EML1: variants seen among roughly 807,000 people sequenced by gnomAD.
EML1 encodes the protein EMAP like 1, also known as echinoderm microtubule-associated protein-like 1.
A neutral mutation model predicts 110.4 loss-of-function variants in EML1; 27 were observed. The observed-to-expected ratio is 0.24, with a 90% CI of 0.18 to 0.34. EML1 has a LOEUF of 0.34. Ranked by LOEUF, EML1 falls within the 10% of genes least tolerant of loss-of-function variation. EML1 has a pLI of 1.00. For missense variants in EML1, 741 were observed against 1,030.9 expected (o/e 0.72, Z 3.85); for synonymous variants, 344 against 385.8 (o/e 0.89, Z 1.27).
chr14:99,887,031 G>A (rs970438404), intron 4 of EML1, among the ~76,000 whole-genome samples: 7 of 152,230 alleles, frequency 4.6e-5, no homozygotes, highest in African/African-American at 1.7e-4. Flanking sequence ...GTCTGTTGGT[G>A]TGAGCCTCCC....
chr14:99,852,530 G>A (rs1043266151), intron 2 of EML1, among the ~76,000 whole-genome samples: 9 of 152,188 alleles, frequency 5.9e-5, no homozygotes, highest in African/African-American at 2.2e-4. Context: ...TAGGAGGATT[G>A]CTTGAGCCTA....
chr14:99,916,073 G>A (rs1251979126), intron 15 of EML1, among the ~76,000 whole-genome samples: 1 of 152,232 alleles, frequency 6.6e-6, no homozygotes, highest in Non-Finnish European at 1.5e-5. Flanking sequence ...CTATGCCCTG[G>A]TGGTCCAGGA....
At chr14:99,776,944 AATTGAG>A (rs1566859857) in intron 1 of EML1, among the ~76,000 whole-genome samples, 3 of 152,332 alleles carry the variant, frequency 2.0e-5, no homozygotes, top group African/African-American at 7.2e-5. Flanking sequence ...TCAAATGTAG[AATTGAG>A]AGTTCTTCAG....
intron 20 of EML1, 94 bp downstream of exon 20, chr14:99,938,006 T>TGACAAGACTGG: frequency 1.5e-6 from 2 of 1,317,740 alleles, no homozygotes; most frequent in Non-Finnish European, 2.2e-6. Flanking sequence ...GTCACCAGTC[T>TGACAAGACTGG]TGTCAGATTG....
chr14:99,870,541 T>C (rs1346850188), intron 3 of EML1, among the ~76,000 whole-genome samples: 1 of 152,242 alleles, frequency 6.6e-6, no homozygotes, highest in Non-Finnish European at 1.5e-5. Flanking sequence ...AGGGCTTTTA[T>C]ATGAGAAGTC....
chr14:99,922,074 G>T (rs1456249779), intron 17 of EML1, among the ~76,000 whole-genome samples: 1 of 152,296 alleles, frequency 6.6e-6, no homozygotes, highest in Non-Finnish European at 1.5e-5. Context: ...TGTGCACAGA[G>T]CAGTACTATA....
At chr14:99,825,451 G>A (rs1420194752) in intron 1 of EML1, among the ~76,000 whole-genome samples, 4 of 152,122 alleles carry the variant, frequency 2.6e-5, no homozygotes, top group Non-Finnish European at 4.4e-5. Context: ...TGGGTGGAAC[G>A]TACCTCAGAG....
chr14:99,940,302 T>C lies in EML1; in HGVS notation c.*190T>C. The C allele has an allele frequency of 1.5e-6, 1 of 684,538 alleles. No individual in the cohort carries two copies. The highest frequency in any genetic ancestry group is 2.2e-6 in the Non-Finnish European group (1 of 460,242). 42.4% of individuals were successfully genotyped at this position (684,538 alleles called of 1,614,324 possible). A position where few individuals can be genotyped will look rare whatever the true frequency, so the allele number is the denominator to read the frequency against. ...GGATCAGCGGTTCCGTGTTCACTTTTGTTGTACAATATATGACACAGTGCA... is the reference window on the plus strand; with the variant it reads ...GGATCAGCGGTTCCGTGTTCACTTTCGTTGTACAATATATGACACAGTGCA... On this transcript the variant is annotated 3_prime_UTR_variant, in exon 22 of 22. Coordinates refer to ENST00000262233, the MANE Select transcript of EML1 (RefSeq NM_004434.3).
At chr14:99,879,678 A>G (rs1009690457) in intron 4 of EML1, among the ~76,000 whole-genome samples, 2 of 152,226 alleles carry the variant, frequency 1.3e-5, no homozygotes, top group Admixed American at 6.5e-5. Context: ...AACCATTAAC[A>G]TGGGTTCTGT....
chr14:99,844,081 C>T (rs930645100), intron 1 of EML1, among the ~76,000 whole-genome samples: 25 of 152,194 alleles, frequency 1.6e-4, no homozygotes, highest in African/African-American at 6.0e-4. Context: ...TAAGGACAGT[C>T]TCTTTCCCTT....
rs577466900 is a variant in EML1 at position 99,780,040 on chromosome 14, G to A, written c.-27+6027G>A. On this transcript the variant is annotated intron_variant, in intron 1 of 22. Coordinates refer to the EML1 transcript ENST00000327921. ...GCCAGCATGGTTGGTTCCTGGTGAG[G>A]GCTCTCTTCCTGGCTTGCAGACTGC... Among the ~76,000 whole-genome samples, 13 of 152,150 alleles carry A rather than the reference G, an allele frequency of 8.5e-5. No homozygotes were observed. In the South Asian group the frequency reaches 2.7e-3, roughly 32 times the overall value.
Position 99,936,293 on chromosome 14 carries a change from A to G in EML1, c.2054A>G (p.Gln685Arg), listed in dbSNP as rs775260577. ...ITHLDWSVNSQFLVSNSGDYE... is the reference protein window; with the variant it reads ...ITHLDWSVNSRFLVSNSGDYE... ...CACCTGGACTGGTCTGTAAACTCAC[A>G]GTTCCTCGTGTCAAATTCCGGAGAC... Residue 685 changes from glutamine (Q) to arginine (R), a missense_variant, in exon 19 of 22, where the codon CAG (glutamine) becomes CGG (arginine). This residue lies in a region of EML1 where 388 missense variants were observed against 605.6 expected (regional missense o/e 0.64). Coordinates refer to ENST00000262233, the MANE Select transcript of EML1 (RefSeq NM_004434.3). The surrounding 1 kb of genome is among the most constrained non-coding windows in gnomAD (Gnocchi z 5.5). 1.2e-6 allele frequency: 2 copies of G among 1,614,036 alleles called. No homozygotes were observed. Among genetic ancestry groups the G allele is most frequent in the Non-Finnish European group, 1.7e-6 (2 of 1,180,040 alleles).
Position 99,777,247 on chromosome 14 carries a change from TA to T in EML1, c.-27+3245del, listed in dbSNP as rs113028244. On this transcript the variant is annotated intron_variant, in intron 1 of 22. Transcript: ENST00000327921. Reference sequence around the variant, plus strand: ...TTATCAGTTACAGACTGCACGTACTTAAAAAAAAAAATCAAGCAGTTCTACA... The same window carrying T: ...TTATCAGTTACAGACTGCACGTACTTAAAAAAAAAATCAAGCAGTTCTACA... 8.9e-3 allele frequency among the ~76,000 whole-genome samples: 1,316 copies of T among 148,610 alleles called. 12 individuals are homozygous for T. Among genetic ancestry groups the T allele is most frequent in the African/African-American group, 0.027 (1,122 of 40,878 alleles).
At chr14:99,862,885 G>T (rs1178782436) in intron 2 of EML1, among the ~76,000 whole-genome samples, 4 of 152,084 alleles carry the variant, frequency 2.6e-5, no homozygotes, top group Admixed American at 2.6e-4. Flanking sequence ...ATTGCTTTAG[G>T]CCCTGTCAGC....
intron 3 of EML1, among the ~76,000 whole-genome samples, chr14:99,876,815 T>G (rs7143718): frequency 0.084 from 12,771 of 152,232 alleles, 1,800 homozygotes; most frequent in African/African-American, 0.29. Flanking sequence ...TAAAGCAGTT[T>G]GTGTCTCTTC....
At chr14:99,888,859 G>A (rs1191103) in intron 4 of EML1, among the ~76,000 whole-genome samples, 2 of 151,846 alleles carry the variant, frequency 1.3e-5, no homozygotes, top group African/African-American at 4.8e-5. Context: ...TCACCTGGAG[G>A]TGTAGAATTG....
chr14:99,755,200 C>T (rs1436833989), intron 1 of EML1, among the ~76,000 whole-genome samples: 1 of 152,238 alleles, frequency 6.6e-6, no homozygotes, highest in African/African-American at 2.4e-5. Context: ...GGCTGGCATG[C>T]AGCTTCCAGG....
intron 2 of EML1, among the ~76,000 whole-genome samples, chr14:99,854,011 CAGTT>C (rs2058858593): frequency 6.6e-6 from 1 of 152,172 alleles, no homozygotes; most frequent in Non-Finnish European, 1.5e-5. Flanking sequence ...TTTTCCCCCA[CAGTT>C]AGTTTTTTAA....
chr14:99,865,715 A>T, intron 3 of EML1, 69 bp downstream of exon 3: 2 of 1,528,218 alleles, frequency 1.3e-6, no homozygotes, highest in East Asian at 2.3e-5. Flanking sequence ...CATGAGTATT[A>T]CTTTTTAAAA....
Sources: allele counts gnomAD v4.1 joint callset (sites outside exome capture counted in the v4.1 genomes callset), GRCh38; gene constraint gnomAD v4.1.1; regional missense constraint gnomAD v4.1.1; non-coding constraint Gnocchi (gnomAD v3.1); transcripts MANE v1.5; gene names NCBI Gene and HGNC (gene_info 2026-07-23, HGNC 2026-07-21).